SMAP2: variants seen among roughly 807,000 people sequenced by gnomAD.
SMAP2 encodes the protein small ArfGAP2, also known as stromal membrane-associated protein 2.
A neutral mutation model predicts 56.4 loss-of-function variants in SMAP2; 25 were observed. That is an observed-to-expected ratio of 0.44 (90% CI 0.32 to 0.62). The LOEUF (loss-of-function observed/expected upper bound fraction) is 0.62. Ranked by LOEUF, SMAP2 falls within the 20% of genes least tolerant of loss-of-function variation. The probability of loss-of-function intolerance (pLI) is 0.04; values close to 1 mark genes in which losing one functional copy is unlikely to be tolerated. For missense variants in SMAP2, 388 were observed against 545.6 expected (o/e 0.71, Z 2.88); for synonymous variants, 157 against 181.7 (o/e 0.86, Z 1.09).
chr1:40,349,045 C>T (rs1644399970), intron 1 of SMAP2, among the ~76,000 whole-genome samples: 1 of 152,292 alleles, frequency 6.6e-6, no homozygotes, highest in Non-Finnish European at 1.5e-5. Context: ...GCTGGGATTA[C>T]GGGCGTAAGC....
intron 1 of SMAP2, among the ~76,000 whole-genome samples, chr1:40,354,140 G>T (rs936688443): frequency 3.9e-5 from 6 of 151,980 alleles, no homozygotes; most frequent in African/African-American, 1.5e-4. Context: ...GGTTTCTCTT[G>T]ATTCTCATTC....
At chr1:40,387,496 C>A (rs1644668611) in intron 1 of SMAP2, among the ~76,000 whole-genome samples, 1 of 152,166 alleles carries the variant, frequency 6.6e-6, no homozygotes, top group African/African-American at 2.4e-5. Flanking sequence ...GTAGAGATGG[C>A]TTTGCTATGG....
At chr1:40,391,759 G>A (rs1204432779) in intron 1 of SMAP2, among the ~76,000 whole-genome samples, 2 of 152,068 alleles carry the variant, frequency 1.3e-5, no homozygotes, top group Admixed American at 1.3e-4. Context: ...TCCCGCAGTG[G>A]GCAGGCTCAC....
rs1219708164 is a variant in SMAP2, at chr1:40,374,806, G to C, written c.103+583G>C. On this transcript the variant is annotated intron_variant, in intron 1 of 9. Coordinates refer to ENST00000372718, the MANE Select transcript of SMAP2 (RefSeq NM_022733.3). The surrounding 1 kb of genome is among the most constrained non-coding windows in gnomAD (Gnocchi z 5.9). ...AGTGCTTAGGTGACTTTATTCTTCT[G>C]GATGTGTGCAGTGGGAAACTGCCTT... The C allele has an allele frequency of 6.5e-7, 1 of 1,549,688 alleles. No individual in the cohort carries two copies. The highest frequency in any genetic ancestry group is 8.7e-7 in the Non-Finnish European group (1 of 1,146,592).
Position 40,374,702 on chromosome 1 carries a change from T to G in SMAP2, c.103+479T>G. ...GGAAAGGAAAACTGCTTAAATGATT[T>G]TTAAAGGTGGTGATTTTTGCTTCCT... On this transcript the variant is annotated intron_variant, in intron 1 of 9. Coordinates refer to ENST00000372718, the MANE Select transcript of SMAP2 (RefSeq NM_022733.3). The surrounding 1 kb of genome is among the most constrained non-coding windows in gnomAD (Gnocchi z 5.9). The G allele has an allele frequency of 6.5e-7, 1 of 1,550,284 alleles. No individual in the cohort carries two copies. The highest frequency in any genetic ancestry group is 8.7e-7 in the Non-Finnish European group (1 of 1,146,932).
chr1:40,409,186 A>G (rs941453462), intron 3 of SMAP2, among the ~76,000 whole-genome samples: 6 of 152,226 alleles, frequency 3.9e-5, no homozygotes, highest in Non-Finnish European at 8.8e-5. Context: ...TTCTTCCACC[A>G]TCTGTTCAAC....
intron 4 of SMAP2, among the ~76,000 whole-genome samples, chr1:40,410,322 A>G (rs1254334883): frequency 2.6e-5 from 4 of 152,030 alleles, no homozygotes; most frequent in Non-Finnish European, 4.4e-5. Context: ...ACTTCTGCCT[A>G]TCGGTGAATT....
intron 3 of SMAP2, among the ~76,000 whole-genome samples, chr1:40,409,505 G>A (rs1382797445): frequency 1.3e-5 from 2 of 152,246 alleles, no homozygotes; most frequent in Non-Finnish European, 2.9e-5. Flanking sequence ...ATGTCAGTTT[G>A]AAGGTTAATT....
At chr1:40,418,352 A>G (rs369958075) in intron 9 of SMAP2, among the ~76,000 whole-genome samples, 1 of 152,214 alleles carries the variant, frequency 6.6e-6, no homozygotes, top group Admixed American at 6.5e-5. Context: ...TGAAAACTAA[A>G]TATAGAAAGT....
chr1:40,413,493 A>G (rs562585864), intron 5 of SMAP2, among the ~76,000 whole-genome samples: 1 of 152,350 alleles, frequency 6.6e-6, no homozygotes, highest in Admixed American at 6.5e-5. Flanking sequence ...AAGTGAGGCC[A>G]TATTAGTCCA....
intron 6 of SMAP2, among the ~76,000 whole-genome samples, 193 bp downstream of exon 6, chr1:40,414,433 C>T (rs1430415630): frequency 1.3e-5 from 2 of 152,196 alleles, no homozygotes; most frequent in Admixed American, 6.5e-5. Flanking sequence ...CTTTTCAGAG[C>T]GACAGTGTGG....
intron 1 of SMAP2, among the ~76,000 whole-genome samples, chr1:40,347,258 T>TTG (rs1254406152): frequency 0.1 from 14,139 of 141,628 alleles, 769 homozygotes; most frequent in Middle Eastern, 0.18. Flanking sequence ...TTTGTTTTTT[T>TTG]TTTTTTTTTT....
At position 40,374,822 on chromosome 1, in the gene SMAP2, A is replaced by G; in HGVS notation, c.103+599A>G. On this transcript the variant is annotated intron_variant, in intron 1 of 9. Coordinates refer to ENST00000372718, the MANE Select transcript of SMAP2 (RefSeq NM_022733.3). This position sits in a 1 kb window ranked among gnomAD's most constrained non-coding sequence, Gnocchi z 5.9. Reference sequence around the variant, plus strand: ...TATTCTTCTGGATGTGTGCAGTGGGAAACTGCCTTATGCAGTGACACAGTG... The same window carrying G: ...TATTCTTCTGGATGTGTGCAGTGGGGAACTGCCTTATGCAGTGACACAGTG... 1.9e-6 allele frequency: 3 copies of G among 1,547,722 alleles called. No individual in the cohort carries two copies. The highest frequency in any genetic ancestry group is 1.2e-5 in the South Asian group (1 of 83,766).
chr1:40,383,898 T>A (rs1644627130), intron 1 of SMAP2, among the ~76,000 whole-genome samples: 1 of 152,126 alleles, frequency 6.6e-6, no homozygotes, highest in Admixed American at 6.5e-5. Flanking sequence ...CTCTTTTTTT[T>A]TTCTTTCGTT....
chr1:40,363,199 T>C (rs1470508318), intron 2 of SMAP2, among the ~76,000 whole-genome samples: 1 of 152,128 alleles, frequency 6.6e-6, no homozygotes. Context: ...CATTTAACTA[T>C]ACTAGGAAAA....
chr1:40,400,096 A>T (rs958433113), intron 1 of SMAP2, among the ~76,000 whole-genome samples: 6 of 152,320 alleles, frequency 3.9e-5, no homozygotes, highest in African/African-American at 1.4e-4. Flanking sequence ...TGTGATGTAT[A>T]GGAGTTGGCC....
intron 1 of SMAP2, among the ~76,000 whole-genome samples, chr1:40,390,685 G>A (rs1460139473): frequency 6.6e-6 from 1 of 152,098 alleles, no homozygotes; most frequent in Admixed American, 6.5e-5. Flanking sequence ...GACCATTATT[G>A]AGCATTTACT....
intron 1 of SMAP2, among the ~76,000 whole-genome samples, chr1:40,381,622 A>G (rs1230447580): frequency 6.6e-6 from 1 of 152,116 alleles, no homozygotes; most frequent in Admixed American, 6.5e-5. Flanking sequence ...AGAGTTTGAC[A>G]GGTAGTCAGG....
Position 40,422,060 on chromosome 1 carries a change from C to G in SMAP2, c.1249C>G (p.Gln417Glu). The change falls in exon 10 of 10, where the codon CAG becomes GAG. Residue 417 changes from glutamine (Q) to glutamate (E), a missense_variant. Transcript: ENST00000372718. ...YGQSMSGGNG[Q>E]AANQTLSPQM... ...ACAGTCAATGAGTGGCGGAAATGGA[C>G]AGGCAGCAAATCAGACTCTCAGTCC... is the stretch of plus-strand genomic sequence containing the variant. The G allele has an allele frequency of 6.2e-7, 1 of 1,614,144 alleles. No homozygotes were observed. The highest frequency in any genetic ancestry group is 8.5e-7 in the Non-Finnish European group (1 of 1,180,020).
Sources: allele counts gnomAD v4.1 joint callset (sites outside exome capture counted in the v4.1 genomes callset), GRCh38; gene constraint gnomAD v4.1.1; non-coding constraint Gnocchi (gnomAD v3.1); transcripts MANE v1.5; gene names NCBI Gene and HGNC (gene_info 2026-07-23, HGNC 2026-07-21).